Variants in PBX1 observed in about 807,000 individuals in gnomAD.
PBX1 encodes PBX homeobox 1.
In PBX1, 6 loss-of-function variants were observed where a neutral mutation model predicts 53.4. That is an observed-to-expected ratio of 0.11 (90% confidence interval 0.06 to 0.22). PBX1 has a LOEUF of 0.22. Among genes scored for constraint, PBX1 ranks in the 10% least tolerant of loss-of-function variants. The pLI, the probability that PBX1 is intolerant of heterozygous loss-of-function variation, is 1.00. For synonymous variants in PBX1, 204 were observed against 212.3 expected, an observed-to-expected ratio of 0.96 and a Z score of 0.34; for missense variants, 251 against 551.4, an observed-to-expected ratio of 0.46 and a Z score of 5.46.
At chr1:164,745,304 G>A (rs1157781373) in intron 2 of PBX1, among the ~76,000 whole-genome samples, 1 of 152,180 alleles carries the variant, frequency 6.6e-6, no homozygotes, top group South Asian at 2.1e-4. Flanking sequence ...TATCATCGCA[G>A]ACTGTGTATT....
intron 2 of PBX1, among the ~76,000 whole-genome samples, chr1:164,650,589 A>G (rs1401547824): frequency 6.6e-6 from 1 of 152,174 alleles, no homozygotes; most frequent in Non-Finnish European, 1.5e-5. Flanking sequence ...AGTCTGCATT[A>G]TGTGGAGAAT....
chr1:164,680,043 A>T (rs6426879), intron 2 of PBX1: 1 of 152,104 alleles, frequency 6.6e-6, no homozygotes. Context: ...AGCGAGAGTA[A>T]GACCATGGAG....
chr1:164,578,978 T>G (rs1469226695), intron 2 of PBX1, among the ~76,000 whole-genome samples: 1 of 151,904 alleles, frequency 6.6e-6, no homozygotes, highest in Non-Finnish European at 1.5e-5. Flanking sequence ...CATTGCTATT[T>G]GCCAAACTTG....
chr1:164,874,007 G>GAAAA (rs11381707), intron 2 of PBX1, among the ~76,000 whole-genome samples: 4 of 143,496 alleles, frequency 2.8e-5, no homozygotes, highest in Non-Finnish European at 6.0e-5. Context: ...GAGGAATTCA[G>GAAAA]AAAAAAAAAA....
intron 2 of PBX1, among the ~76,000 whole-genome samples, chr1:164,727,268 A>T (rs1371240240): frequency 1.3e-5 from 2 of 152,214 alleles, no homozygotes; most frequent in Non-Finnish European, 2.9e-5. Context: ...ATCTAAGAAA[A>T]TCTCTACAAT....
intron 2 of PBX1, among the ~76,000 whole-genome samples, chr1:164,601,555 G>C (rs1294128650): frequency 1.3e-5 from 2 of 152,184 alleles, no homozygotes; most frequent in Non-Finnish European, 2.9e-5. Context: ...CCCTTTTCTG[G>C]AGGAGGTGGG....
intron 2 of PBX1, among the ~76,000 whole-genome samples, chr1:164,784,437 T>C (rs1463072266): frequency 6.6e-6 from 1 of 152,174 alleles, no homozygotes; most frequent in African/African-American, 2.4e-5. Context: ...ATGGGATCCA[T>C]GCCCATGCAT....
intron 3 of PBX1, 75 bp downstream of exon 3, chr1:164,792,813 C>A (rs1395782257): frequency 1.8e-6 from 2 of 1,112,048 alleles, no homozygotes; most frequent in Admixed American, 5.3e-5. Context: ...CCGGGGCTTG[C>A]AGAGAGGAGC....
chr1:164,716,223 G>A (rs1664073181), intron 2 of PBX1, among the ~76,000 whole-genome samples: 1 of 152,168 alleles, frequency 6.6e-6, no homozygotes, highest in Admixed American at 6.5e-5. Flanking sequence ...ATCTATGCAA[G>A]GCAGTGGTGC....
rs935888943 is a variant in PBX1 at position 164,737,842 on chromosome 1, C to A, written c.266-54652C>A. 2.0e-5 allele frequency among the ~76,000 whole-genome samples: 3 copies of A among 152,248 alleles called. No individual in the cohort carries two copies. The East Asian group carries it at 5.8e-4, about 29-fold the overall frequency. On this transcript the variant is annotated intron_variant, in intron 2 of 8. Coordinates refer to ENST00000420696, the MANE Select transcript of PBX1 (RefSeq NM_002585.4). ...CAATCCCAATAAAGACAAGAGCATT[C>A]CCATCACACCGAAAGGTCTCCTCAT...
intron 2 of PBX1, among the ~76,000 whole-genome samples, chr1:164,632,624 CTA>C (rs1399546674): frequency 6.6e-6 from 1 of 152,146 alleles, no homozygotes; most frequent in East Asian, 1.9e-4. Flanking sequence ...ACTGTGCAAA[CTA>C]TGTGTTTGGG....
chr1:164,813,878 A>G (rs1319588662), intron 6 of PBX1: 1 of 152,228 alleles, frequency 6.6e-6, no homozygotes, highest in Non-Finnish European at 1.5e-5. Flanking sequence ...CCTCTTATGG[A>G]ATGTCAGACT....
In PBX1 at chr1:164,820,176, C is replaced by A. The variant is rs906379595; in HGVS notation, c.1102C>A (p.Gln368Lys). The A allele has an allele frequency of 1.2e-6, 2 of 1,601,092 alleles. No individual in the cohort carries two copies. Among genetic ancestry groups the A allele is most frequent in the Non-Finnish European group, 8.6e-7 (1 of 1,168,384 alleles). ...YQGAQVGANV[Q>K]SQVDTLRHVI... is the part of the protein sequence containing the mutation. ...AGGGGCCCAGGTTGGAGCCAACGTG[C>A]AATCACAGGTAGGGACCCAGCCAAT... is the stretch of plus-strand genomic sequence containing the variant. The change falls in exon 7 of 9, where the codon CAA becomes AAA. Residue 368 changes from glutamine (Q) to lysine (K), a missense_variant. By Grantham distance (53) the Gln-to-Lys change is moderately conservative. Around this residue, in one of 4 missense-constraint regions of PBX1, gnomAD observed 92 missense variants for 130.4 expected, o/e 0.71. Coordinates refer to ENST00000420696, the MANE Select transcript of PBX1 (RefSeq NM_002585.4).
chr1:164,838,678 T>A (rs1044969812), intron 8 of PBX1, among the ~76,000 whole-genome samples: 1 of 152,128 alleles, frequency 6.6e-6, no homozygotes, highest in Admixed American at 6.6e-5. Context: ...GATCTAGTTT[T>A]CTCTCCTGAG....
chr1:164,685,804 G>T (rs1296971606), intron 2 of PBX1, among the ~76,000 whole-genome samples: 1 of 152,196 alleles, frequency 6.6e-6, no homozygotes, highest in African/African-American at 2.4e-5. Context: ...AACTCAGACT[G>T]TATGACTCCA....
At chr1:164,813,135 A>G (rs1669702432) in intron 6 of PBX1, 1 of 152,226 alleles carries the variant, frequency 6.6e-6, no homozygotes, top group Non-Finnish European at 1.5e-5. Context: ...GTCCACTAAA[A>G]TAAGTTTTCT....
intron 2 of PBX1, among the ~76,000 whole-genome samples, chr1:164,716,309 TTAAA>T (rs1222859787): frequency 1.1e-4 from 16 of 151,940 alleles, no homozygotes; most frequent in Non-Finnish European, 1.8e-4. Flanking sequence ...CTCTAGTGAG[TTAAA>T]TAAATAATAA....
intron 2 of PBX1, among the ~76,000 whole-genome samples, chr1:164,741,427 T>G (rs910681617): frequency 5.3e-5 from 8 of 152,224 alleles, no homozygotes; most frequent in Admixed American, 1.3e-4. Context: ...AGAAAGGTCT[T>G]TTAAGTCAAA....
chr1:164,705,374 A>G (rs1663370020), intron 2 of PBX1, among the ~76,000 whole-genome samples: 1 of 152,234 alleles, frequency 6.6e-6, no homozygotes, highest in Non-Finnish European at 1.5e-5. Flanking sequence ...TTACAGGATT[A>G]TTTACTTGCA....
Sources: allele counts gnomAD v4.1 joint callset (sites outside exome capture counted in the v4.1 genomes callset), GRCh38; gene constraint gnomAD v4.1.1; regional missense constraint gnomAD v4.1.1; transcripts MANE v1.5; gene names NCBI Gene and HGNC (gene_info 2026-07-23, HGNC 2026-07-21).